The following RAP1GAP variants were observed in gnomAD, a reference collection of about 807,000 sequenced individuals.
RAP1GAP encodes rap1 GTPase-activating protein 1.
RAP1GAP carries 35 observed loss-of-function variants against 87.2 expected under a neutral mutation model. The ratio of observed to expected loss-of-function variants is 0.40; its 90% CI spans 0.31 to 0.53. RAP1GAP has a LOEUF of 0.53. Among genes scored for constraint, RAP1GAP ranks in the 20% least tolerant of loss-of-function variants. RAP1GAP has a pLI of 0.48. For synonymous variants in RAP1GAP, 375 were observed against 363.9 expected, an observed-to-expected ratio of 1.03 and a Z score of -0.35; for missense variants, 734 against 898.9, an observed-to-expected ratio of 0.82 and a Z score of 2.35.
Position 21,617,551 on chromosome 1 carries a change from AC to A in RAP1GAP, c.106-61del, listed in dbSNP as rs2083055821. The A allele has an allele frequency of 1.3e-6, 2 of 1,516,656 alleles. 1 individual carries two copies. Among genetic ancestry groups the A allele is most frequent in the East Asian group, 4.9e-5 (2 of 41,076 alleles). The allele number at this position is 1,516,656 out of a possible 1,614,324, so 93.9% of individuals were successfully genotyped here. On this transcript the variant is annotated intron_variant, in intron 6 of 24. Coordinates refer to ENST00000374765, the MANE Select transcript of RAP1GAP (RefSeq NM_002885.4). ...TGTACCCCACTGGGCGCCCCAGGAC[AC>A]CCTCCCAACTCAGACCTGGAGCCGC...
intron 1 of RAP1GAP, among the ~76,000 whole-genome samples, chr1:21,666,384 C>T (rs1258704916): frequency 1.3e-5 from 2 of 152,210 alleles, no homozygotes; most frequent in Non-Finnish European, 2.9e-5. Flanking sequence ...ACCCCAGAGC[C>T]GCTTGGAGCC....
chr1:21,661,728 A>G (rs1343535081), intron 1 of RAP1GAP, among the ~76,000 whole-genome samples: 2 of 152,228 alleles, frequency 1.3e-5, no homozygotes, highest in African/African-American at 4.8e-5. Flanking sequence ...GACTGTCTTT[A>G]GTACTATTAC....
rs757194141 is a variant in RAP1GAP at position 21,609,717 on chromosome 1, C to T, written c.1000-71G>A. 2 of 1,199,786 alleles carry T rather than the reference C, an allele frequency of 1.7e-6. No individual in the cohort carries two copies. Among genetic ancestry groups the T allele is most frequent in the African/African-American group, 1.5e-5 (1 of 64,526 alleles). 74.3% of individuals were successfully genotyped at this position (1,199,786 alleles called of 1,614,324 possible). The stretch of plus-strand genomic sequence containing the variant: ...CTCTGCCCCACCCAGCCAGAAACCC[C>T]TACTGTGCCTCCCTGGACTGCCCCT... On this transcript the variant is annotated intron_variant, in intron 14 of 24. Transcript: ENST00000374765. This position sits in a 1 kb window ranked among gnomAD's most constrained non-coding sequence, Gnocchi z 4.4.
intron 2 of RAP1GAP, among the ~76,000 whole-genome samples, chr1:21,645,068 C>G (rs369790334): frequency 6.6e-6 from 1 of 152,162 alleles, no homozygotes; most frequent in African/African-American, 2.4e-5. Context: ...ACCAAGCTCT[C>G]TGAGTATAGC....
intron 24 of RAP1GAP, 42 bp downstream of exon 24, chr1:21,597,644 C>CA: frequency 6.6e-7 from 1 of 1,516,980 alleles, no homozygotes. Context: ...TACACACCCC[C>CA]ACCCTCTCCC....
chr1:21,648,116 G>A lies in RAP1GAP; in HGVS notation c.-113+1645C>T, dbSNP rs371245139. 3.3e-3 allele frequency among the ~76,000 whole-genome samples: 506 copies of A among 152,350 alleles called. 3 individuals carry two copies. The highest frequency in any genetic ancestry group is 0.012 in the African/African-American group (484 of 41,572). ...GCACCTTGGACAGCGGCTCCAGCTA[G>A]GCGAGCACGGGCAAGGCATTTTGGG... On this transcript the variant is annotated intron_variant, in intron 2 of 24. Coordinates refer to ENST00000374765, the MANE Select transcript of RAP1GAP (RefSeq NM_002885.4).
Position 21,617,371 on chromosome 1 carries a change from T to C in RAP1GAP, c.226A>G (p.Thr76Ala). ...TTGCACTCGAGCTTCACCTTGGTTGTGGGCGACTGCAGTGGCTCTGTCTCG... is the reference window on the plus strand; with the variant it reads ...TTGCACTCGAGCTTCACCTTGGTTGCGGGCGACTGCAGTGGCTCTGTCTCG... ...IPETEPLQSP[T>A]TKVKLECNPT... Residue 76 changes from threonine (T) to alanine (A), a missense_variant, in exon 7 of 25, where the codon ACA (threonine) becomes GCA (alanine). Physicochemically the swap from Thr to Ala is moderately conservative, Grantham distance 58 (BLOSUM62 0). This residue lies in a region of RAP1GAP where 485 missense variants were observed against 646.2 expected (regional missense o/e 0.75). Coordinates refer to ENST00000374765, the MANE Select transcript of RAP1GAP (RefSeq NM_002885.4). 6.2e-7 allele frequency: 1 copy of C among 1,601,086 alleles called. No individual in the cohort carries two copies. The highest frequency in any genetic ancestry group is 8.5e-7 in the Non-Finnish European group (1 of 1,174,002).
At chr1:21,635,691 T>G (rs1369217673) in intron 2 of RAP1GAP, among the ~76,000 whole-genome samples, 1 of 152,168 alleles carries the variant, frequency 6.6e-6, no homozygotes, top group African/African-American at 2.4e-5. Flanking sequence ...TCCCTGCCCC[T>G]CACAACTCCC....
chr1:21,631,436 A>G (rs1289931699), intron 2 of RAP1GAP, among the ~76,000 whole-genome samples: 1 of 152,266 alleles, frequency 6.6e-6, no homozygotes, highest in Non-Finnish European at 1.5e-5. Flanking sequence ...CTGTAATCCC[A>G]GCACTTTGGG....
chr1:21,611,898 C>T (rs1052477912), intron 11 of RAP1GAP, 82 bp from the exon 12 acceptor site: 1 of 1,511,548 alleles, frequency 6.6e-7, no homozygotes, highest in Non-Finnish European at 9.2e-7. Flanking sequence ...CCAGAGAGGG[C>T]CGGAGGGAGG....
At chr1:21,608,158 A>G in intron 17 of RAP1GAP, 55 bp downstream of exon 17, 1 of 1,592,320 alleles carries the variant, frequency 6.3e-7, no homozygotes, top group South Asian at 1.1e-5. Flanking sequence ...TCAGCCCGGG[A>G]TTCCGCCCTA....
chr1:21,619,907 G>A (rs528084012), intron 4 of RAP1GAP, 108 bp downstream of exon 4: 74 of 1,198,294 alleles, frequency 6.2e-5, no homozygotes, highest in Admixed American at 2.0e-4. Context: ...TTCTACTGGC[G>A]TGGCCTGTCC....
intron 2 of RAP1GAP, among the ~76,000 whole-genome samples, chr1:21,627,268 C>T (rs969808044): frequency 2.2e-4 from 34 of 152,114 alleles, no homozygotes; most frequent in African/African-American, 7.2e-4. Context: ...GCTGGTCCCT[C>T]GAGGGTGACT....
intron 2 of RAP1GAP, among the ~76,000 whole-genome samples, chr1:21,642,313 C>T (rs1199616694): frequency 2.6e-5 from 4 of 152,240 alleles, no homozygotes; most frequent in Admixed American, 6.5e-5. Flanking sequence ...TGGCAGTAAC[C>T]GCAATAGCTG....
Position 21,609,988 on chromosome 1 carries a change from T to G in RAP1GAP, c.999+132A>C, listed in dbSNP as rs920931376. ...ACGACAGGGGGCGTGGTGTGAACAG[T>G]GCACCATTGAAGCCTTCCATGGTCC... On this transcript the variant is annotated intron_variant, in intron 14 of 24. Coordinates refer to ENST00000374765, the MANE Select transcript of RAP1GAP (RefSeq NM_002885.4). The surrounding 1 kb of genome is among the most constrained non-coding windows in gnomAD (Gnocchi z 4.4). 1 of 1,141,276 alleles carries G rather than the reference T, an allele frequency of 8.8e-7. No individual in the cohort carries two copies. The highest frequency in any genetic ancestry group is 1.2e-6 in the Non-Finnish European group (1 of 820,752). The allele number at this position is 1,141,276 out of a possible 1,614,324, so 70.7% of individuals were successfully genotyped here.
chr1:21,669,159 G>A lies in RAP1GAP; in HGVS notation c.-149+95C>T. 3.4e-6 allele frequency: 4 copies of A among 1,171,864 alleles called. No homozygotes were observed. The highest frequency in any genetic ancestry group is 1.7e-5 in the African/African-American group (1 of 58,318). The allele number at this position is 1,171,864 out of a possible 1,614,324, so 72.6% of individuals were successfully genotyped here. On this transcript the variant is annotated intron_variant, in intron 1 of 24. Transcript: ENST00000374765. The surrounding 1 kb of genome is among the most constrained non-coding windows in gnomAD (Gnocchi z 5.6). ...TCGCCCCCACCCTCCGTCCCCGCCC[G>A]CCCGCGCGGGGTCTTCGCTGCGAGC...
chr1:21,619,996 G>C lies in RAP1GAP; in HGVS notation c.18+19C>G. The C allele has an allele frequency of 6.2e-7, 1 of 1,613,592 alleles. No individual in the cohort carries two copies. Among genetic ancestry groups the C allele is most frequent in the Non-Finnish European group, 8.5e-7 (1 of 1,179,676 alleles). On this transcript the variant is annotated intron_variant, in intron 4 of 24. Coordinates refer to ENST00000374765, the MANE Select transcript of RAP1GAP (RefSeq NM_002885.4). ...CCAGCTCTGTGGCTCCCCAGAACAG[G>C]CCACAGAGCCATCCTCACCTGCATC...
intron 2 of RAP1GAP, among the ~76,000 whole-genome samples, chr1:21,649,176 T>C (rs992816663): frequency 7.2e-5 from 11 of 152,224 alleles, no homozygotes; most frequent in African/African-American, 2.4e-4. Flanking sequence ...CCTCTTGGTG[T>C]TGAGAAGCTG....
intron 1 of RAP1GAP, among the ~76,000 whole-genome samples, chr1:21,658,168 A>G (rs1197940159): frequency 6.6e-6 from 1 of 152,188 alleles, no homozygotes; most frequent in African/African-American, 2.4e-5. Context: ...TTACAAATGA[A>G]TATTTTTTGG....
Sources: gnomAD v4.1 joint callset for allele counts (sites outside exome capture counted in the v4.1 genomes callset) on GRCh38, gnomAD v4.1.1 for gene constraint, gnomAD v4.1.1 regional missense constraint, Gnocchi (gnomAD v3.1) non-coding constraint, MANE v1.5 for transcripts, NCBI Gene and HGNC (gene_info 2026-07-23, HGNC 2026-07-21) for gene names.